NRXN3: variants seen among roughly 807,000 people sequenced by gnomAD.
The protein encoded by NRXN3 is neurexin 3.
A neutral mutation model predicts 137.6 loss-of-function variants in NRXN3; 32 were observed. The observed-to-expected ratio is 0.23, with a 90% CI of 0.18 to 0.31. The LOEUF (loss-of-function observed/expected upper bound fraction) is 0.31, where lower values mean the gene tolerates loss of function less well. NRXN3 is among the 10% of genes least tolerant of loss of function. The pLI is 1.00. For synonymous variants in NRXN3, 798 were observed against 784.5 expected (o/e 1.02, Z -0.29); for missense variants, 1,574 against 2,062.5 (o/e 0.76, Z 4.59).
At chr14:78,399,428 A>T (rs2091833531) in intron 4 of NRXN3, among the ~76,000 whole-genome samples, 1 of 152,182 alleles carries the variant, frequency 6.6e-6, no homozygotes, top group Non-Finnish European at 1.5e-5. Flanking sequence ...GCATTTGATA[A>T]GTGTATGAGA....
intron 15 of NRXN3, chr14:79,279,585 A>G: frequency 1.1e-5 from 11 of 986,494 alleles, no homozygotes; most frequent in Non-Finnish European, 1.3e-5. Flanking sequence ...AGTCCTTCTT[A>G]TTCTCTTCCT....
At chr14:78,831,224 G>T (rs947750927) in intron 10 of NRXN3, among the ~76,000 whole-genome samples, 3 of 152,014 alleles carry the variant, frequency 2.0e-5, no homozygotes, top group Non-Finnish European at 2.9e-5. Context: ...ATAGCATGCA[G>T]GTATTAGAAA....
intron 6 of NRXN3, among the ~76,000 whole-genome samples, chr14:78,688,986 A>C (rs1290432673): frequency 2.0e-5 from 3 of 152,114 alleles, no homozygotes; most frequent in Non-Finnish European, 2.9e-5. Context: ...GGAAATATGT[A>C]GTCTATATTC....
At chr14:79,715,009 A>T (rs2098818738) in intron 19 of NRXN3, among the ~76,000 whole-genome samples, 1 of 152,196 alleles carries the variant, frequency 6.6e-6, no homozygotes, top group South Asian at 2.1e-4. Flanking sequence ...GCTGGAGGGC[A>T]GTGGCGTGAT....
At chr14:79,541,246 T>C (rs981692696) in intron 16 of NRXN3, among the ~76,000 whole-genome samples, 2 of 152,194 alleles carry the variant, frequency 1.3e-5, no homozygotes, top group African/African-American at 4.8e-5. Context: ...CTACTAAAAA[T>C]ACAAAAATTA....
intron 10 of NRXN3, among the ~76,000 whole-genome samples, chr14:78,880,140 T>C (rs2099124648): frequency 7.2e-6 from 1 of 139,298 alleles, no homozygotes. Context: ...CTTGGGAGGC[T>C]GAGGCAGGAG....
chr14:78,481,941 G>A (rs1246225313), intron 4 of NRXN3, among the ~76,000 whole-genome samples: 1 of 152,020 alleles, frequency 6.6e-6, no homozygotes, highest in East Asian at 1.9e-4. Context: ...TGCCCCAAGA[G>A]CCTGAATCAC....
At chr14:78,971,917 A>T (rs28619030) in intron 14 of NRXN3, among the ~76,000 whole-genome samples, 5,670 of 152,238 alleles carry the variant, frequency 0.037, 333 homozygotes, top group African/African-American at 0.13. Context: ...AAAATTATTT[A>T]AAAACTTGCT....
intron 4 of NRXN3, among the ~76,000 whole-genome samples, chr14:78,384,252 T>C (rs2089602205): frequency 1.3e-5 from 2 of 152,054 alleles, no homozygotes; most frequent in Non-Finnish European, 2.9e-5. Context: ...AAGTATCCAA[T>C]TGGTTGAGCC....
intron 10 of NRXN3, among the ~76,000 whole-genome samples, chr14:78,911,303 T>C (rs1451986110): frequency 6.6e-6 from 1 of 152,162 alleles, no homozygotes; most frequent in Admixed American, 6.6e-5. Context: ...TCAGATATCA[T>C]CAACTGAATA....
At position 79,469,366 on chromosome 14, in the gene NRXN3, AC is replaced by A. The variant is rs574541049; in HGVS notation, c.3444+1965del. Among the ~76,000 whole-genome samples, 1,029 of 152,298 alleles carry A rather than the reference AC, an allele frequency of 6.8e-3. 9 individuals carry two copies. Among genetic ancestry groups the A allele is most frequent in the Non-Finnish European group, 0.011 (717 of 68,028 alleles). On this transcript the variant is annotated intron_variant, in intron 16 of 20. Transcript: ENST00000335750. ...GTGGTAACTTCTAGGAGGAACCAGA[AC>A]ATTCCAGTATATTTTAATATACCAT...
At chr14:79,401,454 G>A (rs1440424251) in intron 15 of NRXN3, among the ~76,000 whole-genome samples, 1 of 152,184 alleles carries the variant, frequency 6.6e-6, no homozygotes, top group African/African-American at 2.4e-5. Context: ...CGTGGGGCCT[G>A]TAATCTGTGT....
chr14:78,215,128 T>G (rs1389340144), intron 1 of NRXN3, among the ~76,000 whole-genome samples: 4 of 152,186 alleles, frequency 2.6e-5, no homozygotes, highest in Middle Eastern at 3.2e-3. Flanking sequence ...CAAAGAAGCC[T>G]AAACCCACTG....
intron 4 of NRXN3, among the ~76,000 whole-genome samples, chr14:78,489,552 T>C (rs1281007745): frequency 6.6e-6 from 1 of 152,200 alleles, no homozygotes; most frequent in Non-Finnish European, 1.5e-5. Context: ...CCTTTGCTTT[T>C]CTGGTTTTAT....
At chr14:79,205,330 A>G (rs2066640017) in intron 15 of NRXN3, among the ~76,000 whole-genome samples, 1 of 152,186 alleles carries the variant, frequency 6.6e-6, no homozygotes, top group Non-Finnish European at 1.5e-5. Context: ...TTTTTAATAT[A>G]TATCTTAAAA....
chr14:78,336,461 T>C (rs1321086657), intron 4 of NRXN3, among the ~76,000 whole-genome samples: 1 of 152,144 alleles, frequency 6.6e-6, no homozygotes, highest in African/African-American at 2.4e-5. Context: ...GGCAGTGTTC[T>C]AGGTACTTGG....
chr14:78,222,160 A>G (rs1175812955), intron 1 of NRXN3, among the ~76,000 whole-genome samples: 3 of 152,168 alleles, frequency 2.0e-5, no homozygotes, highest in African/African-American at 4.8e-5. Context: ...TGATTAGAGA[A>G]GGCATAGCTT....
intron 15 of NRXN3, among the ~76,000 whole-genome samples, chr14:79,343,732 T>C (rs1168207839): frequency 6.6e-6 from 1 of 152,198 alleles, no homozygotes; most frequent in African/African-American, 2.4e-5. Context: ...CAGGAAAATA[T>C]TTCAAATATT....
rs1366255175 is a variant in NRXN3, at chr14:78,464,853, T to C, written c.757+166993T>C. Among the ~76,000 whole-genome samples, 3 of 152,242 alleles carry C rather than the reference T, an allele frequency of 2.0e-5. No homozygotes were observed. In the East Asian group the frequency reaches 5.8e-4, roughly 29 times the overall value. ...AGTTTAGGGCCATATACGTAAATGC[T>C]ATCTTCCACTCATCATTCCTCCTCC... On this transcript the variant is annotated intron_variant, in intron 4 of 20. Coordinates refer to ENST00000335750, the MANE Select transcript of NRXN3 (RefSeq NM_001330195.2).
Sources: allele counts gnomAD v4.1 joint callset (sites outside exome capture counted in the v4.1 genomes callset), GRCh38; gene constraint gnomAD v4.1.1; transcripts MANE v1.5; gene names NCBI Gene and HGNC (gene_info 2026-07-23, HGNC 2026-07-21).